Variants in CD96 observed in about 807,000 individuals in gnomAD.
CD96 encodes CD96 molecule.
In CD96, 70 loss-of-function variants were observed where a neutral mutation model predicts 71.3. The observed-to-expected ratio is 0.98, with a 90% confidence interval of 0.81 to 1.20. The LOEUF (loss-of-function observed/expected upper bound fraction) is 1.20, where lower values mean the gene tolerates loss of function less well. CD96 is among the 50% of genes most tolerant of loss of function. The pLI is 0.00. For synonymous variants in CD96, 248 were observed against 233.0 expected (o/e 1.06, Z -0.59); for missense variants, 742 against 677.5 (o/e 1.10, Z -1.06).
intron 2 of CD96, among the ~76,000 whole-genome samples, chr3:111,562,054 G>A (rs1335407228): frequency 1.3e-5 from 2 of 152,300 alleles, no homozygotes; most frequent in Admixed American, 6.5e-5. Context: ...GCAATGCCTC[G>A]CCCTGCTTCG....
chr3:111,561,271 G>A (rs1281976472), intron 2 of CD96, among the ~76,000 whole-genome samples: 1 of 150,308 alleles, frequency 6.7e-6, no homozygotes, highest in Non-Finnish European at 1.5e-5. Flanking sequence ...TTCCTTTGGA[G>A]GAGGAGAGGC....
rs552128754 is a variant in CD96 at position 111,573,746 on chromosome 3, T to A, written c.544-5281T>A. ...CTTAAAATTTTTATCTATAAATATA[T>A]CTTCAACATGCTCTTATTTAATATT... On this transcript the variant is annotated intron_variant, in intron 3 of 13. Transcript: ENST00000352690. Among the ~76,000 whole-genome samples, 11 of 152,356 alleles carry A rather than the reference T, an allele frequency of 7.2e-5. No individual in the cohort carries two copies. The South Asian group carries it at 2.1e-3, about 29-fold the overall frequency.
intron 14 of CD96, among the ~76,000 whole-genome samples, chr3:111,661,289 T>G (rs1175056313): frequency 6.6e-6 from 1 of 152,138 alleles, no homozygotes; most frequent in Non-Finnish European, 1.5e-5. Flanking sequence ...CACTGGAAAT[T>G]ACAATTCAAC....
At chr3:111,553,086 A>G (rs566674739) in intron 2 of CD96, among the ~76,000 whole-genome samples, 4 of 152,056 alleles carry the variant, frequency 2.6e-5, no homozygotes, top group Admixed American at 2.0e-4. Context: ...ATGTCATTAA[A>G]AAAAAGCCAT....
intron 2 of CD96, among the ~76,000 whole-genome samples, chr3:111,546,817 C>CA (rs1327408618): frequency 6.6e-6 from 1 of 151,802 alleles, no homozygotes; most frequent in African/African-American, 2.4e-5. Context: ...TGGAACAGTC[C>CA]ACCTATAGGC....
Position 111,562,030 on chromosome 3 carries a change from A to C in CD96, c.419-5493A>C, listed in dbSNP as rs987943537. Among the ~76,000 whole-genome samples the C allele has an allele frequency of 2.0e-5, 3 of 152,144 alleles. No individual in the cohort carries two copies. In the East Asian group the frequency reaches 5.8e-4, roughly 29 times the overall value. On this transcript the variant is annotated intron_variant, in intron 2 of 13. Transcript: ENST00000352690. ...GAAAGGGAACTCCCTGACCCCTTGC[A>C]CTTCCCAGGTGAGGCAATGCCTCGC...
chr3:111,619,348 T>C (rs1442862119), intron 8 of CD96, among the ~76,000 whole-genome samples: 3 of 152,218 alleles, frequency 2.0e-5, no homozygotes, highest in Non-Finnish European at 4.4e-5. Context: ...TGTAACCTCA[T>C]GGCCATTTCT....
intron 4 of CD96, among the ~76,000 whole-genome samples, chr3:111,582,594 A>G (rs1226388309): frequency 6.6e-6 from 1 of 152,172 alleles, no homozygotes; most frequent in Non-Finnish European, 1.5e-5. Flanking sequence ...GCTGCTGATA[A>G]AGACATACCC....
intron 3 of CD96, among the ~76,000 whole-genome samples, chr3:111,572,146 G>A (rs1936011531): frequency 6.6e-6 from 1 of 152,156 alleles, no homozygotes; most frequent in African/African-American, 2.4e-5. Context: ...TACAACAATA[G>A]CACATGCACA....
In CD96 at chr3:111,647,728, T is replaced by C. The variant is rs968772853; in HGVS notation, c.1601+62T>C. On this transcript the variant is annotated intron_variant, in intron 13 of 13. Coordinates refer to ENST00000352690, the MANE Select transcript of CD96 (RefSeq NM_005816.5). ...TTTTTCATTATAAAATATTCATCAG[T>C]ACAATATATTATTACTCTATGAAGT... The C allele has an allele frequency of 7.6e-6, 9 of 1,186,798 alleles. No individual in the cohort carries two copies. The African/African-American group carries it at 1.4e-4, about 18-fold the overall frequency. The allele number at this position is 1,186,798 out of a possible 1,614,324, so 73.5% of individuals were successfully genotyped here. A position where few individuals can be genotyped will look rare whatever the true frequency, so the allele number is the denominator to read the frequency against.
intron 8 of CD96, among the ~76,000 whole-genome samples, chr3:111,622,180 G>C (rs1938547969): frequency 6.6e-6 from 1 of 152,150 alleles, no homozygotes; most frequent in South Asian, 2.1e-4. Context: ...TGTAGTTCTT[G>C]ACTTGGGCCA....
Position 111,587,684 on chromosome 3 carries a change from T to C in CD96, c.807+2306T>C, listed in dbSNP as rs1315206922. ...CCTGCAGCAAACTTTTGCCTGGGCA[T>C]CCAGGCATTCCCATACATCTTCTGA... On this transcript the variant is annotated intron_variant, in intron 5 of 13. Coordinates refer to ENST00000352690, the MANE Select transcript of CD96 (RefSeq NM_005816.5). 2.0e-5 allele frequency among the ~76,000 whole-genome samples: 3 copies of C among 152,334 alleles called. No individual in the cohort carries two copies. In the East Asian group the frequency reaches 5.8e-4, roughly 29 times the overall value.
intron 10 of CD96, among the ~76,000 whole-genome samples, chr3:111,632,319 C>G (rs543846295): frequency 2.5e-4 from 38 of 152,138 alleles, no homozygotes; most frequent in Admixed American, 3.9e-4. Context: ...AGGACATGAA[C>G]AGACAGTTCT....
rs145309250 is a variant in CD96 at position 111,661,854 on chromosome 3, C to T, written c.*53-3673C>T. ...TGTCAGTGGATCTACCATTCTGGGG[C>T]CTGGAGAACAGTAGCCCTCTTCTCA... is the stretch of plus-strand genomic sequence containing the variant. On this transcript the variant is annotated intron_variant and NMD_transcript_variant, in intron 14 of 14. Coordinates refer to the CD96 transcript ENST00000494798. Among the ~76,000 whole-genome samples, 1,133 of 152,276 alleles carry T rather than the reference C, an allele frequency of 7.4e-3. 16 individuals are homozygous for T. The highest frequency in any genetic ancestry group is 0.026 in the African/African-American group (1,088 of 41,552).
Position 111,596,370 on chromosome 3 carries a change from A to G in CD96, c.808-1750A>G, listed in dbSNP as rs193017582. On this transcript the variant is annotated intron_variant, in intron 5 of 13. Transcript: ENST00000352690. ...AACCAAATCTTGGAACGCAAAGTCT[A>G]GAGAGAGTCTAGAATGTTTGAAATT... Among the ~76,000 whole-genome samples, 756 of 152,280 alleles carry G rather than the reference A, an allele frequency of 5.0e-3. 4 individuals carry two copies. Among genetic ancestry groups the G allele is most frequent in the Middle Eastern group, 0.014 (4 of 294 alleles).
intron 5 of CD96, among the ~76,000 whole-genome samples, chr3:111,597,055 T>C (rs1297277771): frequency 6.6e-6 from 1 of 152,240 alleles, no homozygotes; most frequent in Non-Finnish European, 1.5e-5. Context: ...CCCAGACTTC[T>C]TGGGAGTAAC....
chr3:111,600,572 A>G (rs1937447304), intron 6 of CD96, among the ~76,000 whole-genome samples, 154 bp from the exon 7 acceptor site: 1 of 152,248 alleles, frequency 6.6e-6, no homozygotes, highest in African/African-American at 2.4e-5. Flanking sequence ...AGTTAATTTC[A>G]GATCTGCTGA....
intron 3 of CD96, among the ~76,000 whole-genome samples, chr3:111,573,885 CTAAT>C (rs1302222723): frequency 6.6e-6 from 1 of 152,160 alleles, no homozygotes; most frequent in Non-Finnish European, 1.5e-5. Flanking sequence ...GCAGCTGATT[CTAAT>C]TGTCTTTAAT....
chr3:111,545,203 C>G lies in CD96; in HGVS notation c.219C>G (p.Pro73=). 6.2e-7 allele frequency: 1 copy of G among 1,614,204 alleles called. No homozygotes were observed. Among genetic ancestry groups the G allele is most frequent in the Non-Finnish European group, 8.5e-7 (1 of 1,180,040 alleles). ...NKIDLIAVYH[P]QYGFYCAYGR... ...TAGACCTGATTGCTGTCTATCATCC[C>G]CAATACGGCTTCTACTGTGCCTATG... Residue 73 remains proline, a synonymous_variant, in exon 2 of 14, where the codon CCC becomes CCG. Coordinates refer to ENST00000352690, the MANE Select transcript of CD96 (RefSeq NM_005816.5).
Sources: gnomAD v4.1 joint callset for allele counts (sites outside exome capture counted in the v4.1 genomes callset) on GRCh38, gnomAD v4.1.1 for gene constraint, MANE v1.5 for transcripts, NCBI Gene and HGNC (gene_info 2026-07-23, HGNC 2026-07-21) for gene names.